The following CPM variants were observed in gnomAD, a reference collection of about 807,000 sequenced individuals.
CPM encodes carboxypeptidase M, also known as renal carboxypeptidase.
A neutral mutation model predicts 46.4 loss-of-function variants in CPM; 35 were observed. The ratio of observed to expected loss-of-function variants is 0.75; its 90% CI spans 0.58 to 1.00. CPM has a LOEUF of 1.00. Ranked by LOEUF, CPM falls within the 50% of genes least tolerant of loss-of-function variation. The pLI is 0.00. For synonymous variants in CPM, 195 were observed against 195.3 expected (o/e 1.00, Z 0.01); for missense variants, 422 against 530.4 (o/e 0.80, Z 2.01).
chr12:68,932,682 C>T lies in CPM; in HGVS notation c.156G>A (p.Val52=). The T allele has an allele frequency of 6.2e-7, 1 of 1,614,012 alleles. No homozygotes were observed. Among genetic ancestry groups the T allele is most frequent in the Non-Finnish European group, 8.5e-7 (1 of 1,179,898 alleles). Residue 52 remains valine (V), a synonymous_variant, in exon 2 of 9, where the codon GTG becomes GTA. Coordinates refer to ENST00000551568, the MANE Select transcript of CPM (RefSeq NM_198320.5). The stretch of plus-strand genomic sequence containing the variant: ...TGTTCACGAGACGGACCCTACCTTT[C>T]ACAGATTTCCCAATACTGTGTAAGT... The part of the protein sequence containing the change: ...VTHLHSIGKS[V]KGRNLWVLVV...
At chr12:68,923,160 A>AGTGT (rs869087872) in intron 2 of CPM, among the ~76,000 whole-genome samples, 927 of 45,522 alleles carry the variant, frequency 0.02, 9 homozygotes, top group South Asian at 0.03. Context: ...TTTGATATAG[A>AGTGT]GTGTGTGTGT....
upstream of CPM, chr12:68,933,322 G>C (rs994531907): frequency 2.6e-5 from 4 of 151,770 alleles, no homozygotes; most frequent in Non-Finnish European, 5.9e-5. Context: ...GAGAGACGGC[G>C]CCCGCGCGGT....
At chr12:68,844,263 C>G in intron 5 of CPM, 1 of 216,416 alleles carries the variant, frequency 4.6e-6, no homozygotes, top group African/African-American at 2.2e-5. Flanking sequence ...ATTTGGGTAA[C>G]AAAAGGCACA....
chr12:68,875,905 C>G (rs182239452), intron 3 of CPM, among the ~76,000 whole-genome samples: 33 of 151,826 alleles, frequency 2.2e-4, no homozygotes, highest in Non-Finnish European at 1.5e-5. Flanking sequence ...TTTTATTCTT[C>G]TGTTAATTCA....
In CPM at chr12:68,854,558, AGCT is replaced by A. The variant is rs1198373613; in HGVS notation, c.*1876_*1878del. ...ATGGTCAGCCAAGGCTTCCTAGTGG[AGCT>A]GCTACCTGAACTGAGTTTTAAGAGG... is the stretch of plus-strand genomic sequence containing the variant. On this transcript the variant is annotated 3_prime_UTR_variant, in exon 9 of 9. Coordinates refer to ENST00000551568, the MANE Select transcript of CPM (RefSeq NM_198320.5). 2 of 152,182 alleles carry A rather than the reference AGCT, an allele frequency of 1.3e-5. No homozygotes were observed. Among genetic ancestry groups the A allele is most frequent in the Non-Finnish European group, 2.9e-5 (2 of 68,050 alleles). The allele number at this position is 152,182 out of a possible 1,614,324, so 9.4% of individuals were successfully genotyped here. A position where few individuals can be genotyped will look rare whatever the true frequency, so the allele number is the denominator to read the frequency against.
intron 1 of CPM, among the ~76,000 whole-genome samples, chr12:68,960,457 T>C (rs1298790905): frequency 2.0e-5 from 3 of 152,194 alleles, no homozygotes; most frequent in Non-Finnish European, 4.4e-5. Flanking sequence ...TGGATTCTAG[T>C]GTTAGTATTG....
chr12:68,906,291 C>T (rs73146638), intron 2 of CPM, among the ~76,000 whole-genome samples: 100 of 151,964 alleles, frequency 6.6e-4, no homozygotes, highest in African/African-American at 2.3e-3. Flanking sequence ...TGGGCCCCAT[C>T]CAGAACAGGA....
At chr12:68,909,902 G>C (rs1887519935) in intron 2 of CPM, among the ~76,000 whole-genome samples, 1 of 151,694 alleles carries the variant, frequency 6.6e-6, no homozygotes, top group Non-Finnish European at 1.5e-5. Context: ...GGGTTGATGG[G>C]TGCAGCAAAC....
At position 68,949,506 on chromosome 12, in the gene CPM, C is replaced by T. The variant is rs116825842; in HGVS notation, c.-4+13663G>A. Among the ~76,000 whole-genome samples, 570 of 152,362 alleles carry T rather than the reference C, an allele frequency of 3.7e-3. 2 individuals carry two copies. Among genetic ancestry groups the T allele is most frequent in the African/African-American group, 0.013 (550 of 41,582 alleles). On this transcript the variant is annotated intron_variant, in intron 1 of 8. Coordinates refer to the CPM transcript ENST00000546373. ...ATTCACCACTTACCACCTTCATCCTCTTCCTGGCATTAACTCCTGTAAGCT... is the reference window on the plus strand; with the variant it reads ...ATTCACCACTTACCACCTTCATCCTTTTCCTGGCATTAACTCCTGTAAGCT...
chr12:68,878,877 T>A (rs890546196), intron 3 of CPM, among the ~76,000 whole-genome samples: 58 of 152,062 alleles, frequency 3.8e-4, no homozygotes, highest in African/African-American at 1.3e-3. Context: ...CTACCCCCCA[T>A]CTCCCCAAAA....
chr12:68,888,213 G>T (rs1452752568), intron 2 of CPM, among the ~76,000 whole-genome samples: 1 of 152,078 alleles, frequency 6.6e-6, no homozygotes, highest in African/African-American at 2.4e-5. Context: ...CTATGCATCT[G>T]CAAGCTGGCC....
chr12:68,936,756 A>G (rs889981344), upstream of CPM, among the ~76,000 whole-genome samples: 1 of 152,222 alleles, frequency 6.6e-6, no homozygotes, highest in African/African-American at 2.4e-5. Flanking sequence ...ATTTGAAAAC[A>G]TACAAATGTA....
At chr12:68,904,542 G>A (rs1425064868) in intron 2 of CPM, among the ~76,000 whole-genome samples, 1 of 152,208 alleles carries the variant, frequency 6.6e-6, no homozygotes, top group East Asian at 1.9e-4. Flanking sequence ...AACAAGATTC[G>A]CCAAGGTTTT....
chr12:68,942,473 A>G (rs930497320), intron 1 of CPM, among the ~76,000 whole-genome samples: 2 of 152,174 alleles, frequency 1.3e-5, no homozygotes, highest in East Asian at 3.9e-4. Flanking sequence ...TTATCACACT[A>G]TTGTCCCTTG....
chr12:68,946,100 T>C (rs1356104717), intron 1 of CPM, among the ~76,000 whole-genome samples: 1 of 152,044 alleles, frequency 6.6e-6, no homozygotes, highest in Non-Finnish European at 1.5e-5. Flanking sequence ...AAGTGATTCA[T>C]CCTCCTGCCT....
At chr12:68,904,052 A>G (rs184742817) in intron 2 of CPM, among the ~76,000 whole-genome samples, 11 of 151,992 alleles carry the variant, frequency 7.2e-5, no homozygotes, top group Admixed American at 4.6e-4. Context: ...ATACCTGGCT[A>G]ATGTTTTGTA....
At chr12:68,884,001 T>A (rs1886319778) in intron 3 of CPM, among the ~76,000 whole-genome samples, 1 of 148,126 alleles carries the variant, frequency 6.8e-6, no homozygotes, top group East Asian at 2.0e-4. Flanking sequence ...TCCCAACTAC[T>A]CAGGAGGCGG....
At chr12:68,936,593 A>C (rs914419624), upstream of CPM, among the ~76,000 whole-genome samples, 1 of 152,188 alleles carries the variant, frequency 6.6e-6, no homozygotes, top group Non-Finnish European at 1.5e-5. Flanking sequence ...CACGTTGGCC[A>C]GGATGGTCTC....
chr12:68,883,606 C>A (rs926664016), intron 3 of CPM, among the ~76,000 whole-genome samples: 18 of 152,072 alleles, frequency 1.2e-4, no homozygotes, highest in African/African-American at 3.6e-4. Context: ...ATACACCAGA[C>A]AACAAGATGC....
Sources: allele counts gnomAD v4.1 joint callset (sites outside exome capture counted in the v4.1 genomes callset), GRCh38; gene constraint gnomAD v4.1.1; transcripts MANE v1.5; gene names NCBI Gene and HGNC (gene_info 2026-07-23, HGNC 2026-07-21).